Variants in MACF1 observed in about 807,000 individuals in gnomAD.
The protein encoded by MACF1 is microtubule actin crosslinking factor 1.
Under a neutral mutation model 854.8 loss-of-function variants are expected in MACF1, and 193 were observed. The observed-to-expected ratio is 0.23, with a 90% CI of 0.20 to 0.25. The LOEUF is 0.25. Among genes scored for constraint, MACF1 ranks in the 10% least tolerant of loss-of-function variants. The pLI is 1.00. For missense variants in MACF1, 7,722 were observed against 8,929.1 expected, an observed-to-expected ratio of 0.86 and a Z score of 5.45; for synonymous variants, 3,185 against 3,226.7, an observed-to-expected ratio of 0.99 and a Z score of 0.44.
At chr1:39,379,106 G>A (rs1197843272) in intron 53 of MACF1, 97 bp from the exon 54 acceptor site, 4 of 1,210,684 alleles carry the variant, frequency 3.3e-6, no homozygotes, top group Non-Finnish European at 4.6e-6. Flanking sequence ...TAATTCACTA[G>A]AAGGAGTAAG....
At chr1:39,205,463 C>T (rs578217649) in intron 1 of MACF1, among the ~76,000 whole-genome samples, 4 of 152,290 alleles carry the variant, frequency 2.6e-5, no homozygotes, top group African/African-American at 9.6e-5. Flanking sequence ...CTTTCTTTCT[C>T]AATCTCAGAG....
intron 5 of MACF1, 37 bp from the exon 6 acceptor site, chr1:39,257,899 C>A (rs766024056): frequency 1.4e-6 from 2 of 1,470,396 alleles, no homozygotes; most frequent in South Asian, 2.3e-5. Flanking sequence ...AACAAAAAGT[C>A]CTAGAGCTCT....
At chr1:39,239,562 AAG>A (rs1194598997) in intron 2 of MACF1, among the ~76,000 whole-genome samples, 1 of 152,344 alleles carries the variant, frequency 6.6e-6, no homozygotes, top group East Asian at 1.9e-4. Flanking sequence ...AACCATCAAA[AAG>A]AGAAATCTAG....
At chr1:39,194,379 A>T (rs1398352507) in intron 2 of MACF1, among the ~76,000 whole-genome samples, 2 of 86,584 alleles carry the variant, frequency 2.3e-5, no homozygotes, top group South Asian at 3.7e-4. Flanking sequence ...TTTGTGATAG[A>T]GTCTTGTTCT....
intron 2 of MACF1, among the ~76,000 whole-genome samples, chr1:39,131,490 ATG>A (rs1056337894): frequency 2.6e-5 from 4 of 151,828 alleles, no homozygotes; most frequent in Non-Finnish European, 4.4e-5. Context: ...TTCCTTTTTG[ATG>A]TCAGATCCCT....
At chr1:39,436,344 C>T in intron 70 of MACF1, 1 of 811,852 alleles carries the variant, frequency 1.2e-6, no homozygotes, top group Non-Finnish European at 2.1e-6. Context: ...TTTGTACTTA[C>T]TCAAGTTTCT....
intron 2 of MACF1, among the ~76,000 whole-genome samples, chr1:39,158,644 G>T (rs1260326222): frequency 6.6e-6 from 1 of 152,196 alleles, no homozygotes; most frequent in African/African-American, 2.4e-5. Flanking sequence ...TGGAGCCTGG[G>T]CTGGGGTCTA....
chr1:39,293,445 T>C lies in MACF1; in HGVS notation c.1993-13T>C. 1 of 1,605,130 alleles carries C rather than the reference T, an allele frequency of 6.2e-7. No homozygotes were observed. Among genetic ancestry groups the C allele is most frequent in the Non-Finnish European group, 8.5e-7 (1 of 1,175,050 alleles). ...GGCTGCCAGTCTAATCTTATAATCC[T>C]TGCTTTGTCTAGGAAACTTCTAGCT... On this transcript the variant is annotated splice_polypyrimidine_tract_variant and intron_variant, in intron 17 of 100. Transcript: ENST00000564288.
At chr1:39,173,447 G>A (rs1024881788) in intron 2 of MACF1, among the ~76,000 whole-genome samples, 1 of 152,164 alleles carries the variant, frequency 6.6e-6, no homozygotes, top group African/African-American at 2.4e-5. Flanking sequence ...GTAAGAAGCA[G>A]AGAGGCTAGT....
chr1:39,320,550 C>G (rs990668382), intron 31 of MACF1, among the ~76,000 whole-genome samples: 1 of 152,164 alleles, frequency 6.6e-6, no homozygotes, highest in Admixed American at 6.5e-5. Context: ...TCATGTCACT[C>G]TCCTGCTCAA....
Position 39,474,970 on chromosome 1 carries a change from G to A in MACF1, c.21959-4828G>A, listed in dbSNP as rs535121357. Among the ~76,000 whole-genome samples, 17 of 152,280 alleles carry A rather than the reference G, an allele frequency of 1.1e-4. No individual in the cohort carries two copies. In the East Asian group the frequency reaches 2.7e-3, roughly 24 times the overall value. ...AGGGGACAAGTAGTCCCATGGGACT[G>A]CAGCCAAATGTACAAGGTTAGCGAC... On this transcript the variant is annotated intron_variant, in intron 97 of 100. Coordinates refer to ENST00000564288, the MANE Select transcript of MACF1 (RefSeq NM_001394062.1).
At chr1:39,097,673 G>A (rs1242700086) in intron 2 of MACF1, among the ~76,000 whole-genome samples, 3 of 151,928 alleles carry the variant, frequency 2.0e-5, no homozygotes, top group Non-Finnish European at 4.4e-5. Flanking sequence ...AGTGAGCCAT[G>A]TTCATGCCAC....
chr1:39,453,492 C>T (rs188377688), intron 87 of MACF1, among the ~76,000 whole-genome samples: 1 of 152,308 alleles, frequency 6.6e-6, no homozygotes, highest in Admixed American at 6.5e-5. Flanking sequence ...TCTTTGTTGT[C>T]ATCTCCACCA....
intron 1 of MACF1, among the ~76,000 whole-genome samples, chr1:39,225,441 C>T (rs1644705643): frequency 6.6e-6 from 1 of 151,868 alleles, no homozygotes; most frequent in Non-Finnish European, 1.5e-5. Context: ...TGGTCTCGAT[C>T]TCCTGACCTC....
At chr1:39,351,372 G>A (rs1398778664) in intron 43 of MACF1, among the ~76,000 whole-genome samples, 1 of 151,990 alleles carries the variant, frequency 6.6e-6, no homozygotes, top group Non-Finnish European at 1.5e-5. Flanking sequence ...AGGCTGGCTA[G>A]TCTGTGTTTT....
intron 2 of MACF1, among the ~76,000 whole-genome samples, chr1:39,107,849 T>A (rs1227437899): frequency 6.6e-6 from 1 of 152,174 alleles, no homozygotes; most frequent in Non-Finnish European, 1.5e-5. Flanking sequence ...TAATTTGTAG[T>A]CACCTCATTA....
intron 49 of MACF1, among the ~76,000 whole-genome samples, chr1:39,366,943 CTTTTTTTTTT>C (rs138556133): frequency 4.3e-5 from 4 of 93,028 alleles, no homozygotes; most frequent in Non-Finnish European, 6.0e-5. Context: ...CATGCCTGGC[CTTTTTTTTTT>C]TTTTTTTTTT....
intron 6 of MACF1, among the ~76,000 whole-genome samples, chr1:39,276,471 G>C (rs115633423): frequency 0.017 from 2,537 of 151,960 alleles, 76 homozygotes; most frequent in African/African-American, 0.059. Context: ...CTTTTCTATC[G>C]GTTCCCAATT....
intron 2 of MACF1, among the ~76,000 whole-genome samples, chr1:39,192,725 C>G (rs1644270753): frequency 6.6e-6 from 1 of 152,184 alleles, no homozygotes; most frequent in South Asian, 2.1e-4. Flanking sequence ...AAACACTAAT[C>G]TAGTGATAAA....
Sources: gnomAD v4.1 joint callset for allele counts (sites outside exome capture counted in the v4.1 genomes callset) on GRCh38, gnomAD v4.1.1 for gene constraint, MANE v1.5 for transcripts, NCBI Gene and HGNC (gene_info 2026-07-23, HGNC 2026-07-21) for gene names.